The following ATRNL1 variants were observed in gnomAD, a reference collection of about 807,000 sequenced individuals.
ATRNL1 encodes the protein attractin like 1, also known as attractin-like protein 1.
ATRNL1 carries 95 observed loss-of-function variants against 182.7 expected under a neutral mutation model. The observed-to-expected ratio is 0.52, with a 90% CI of 0.44 to 0.62. ATRNL1 has a LOEUF of 0.62. Ranked by LOEUF, ATRNL1 falls within the 20% of genes least tolerant of loss-of-function variation. ATRNL1 has a pLI of 0.00. For missense variants in ATRNL1, 1,471 were observed against 1,679.5 expected, an observed-to-expected ratio of 0.88 and a Z score of 2.17; for synonymous variants, 576 against 568.3, an observed-to-expected ratio of 1.01 and a Z score of -0.19.
chr10:115,644,439 G>A (rs183182477), intron 26 of ATRNL1, among the ~76,000 whole-genome samples: 1 of 152,252 alleles, frequency 6.6e-6, no homozygotes, highest in East Asian at 1.9e-4. Context: ...CATTTTTACA[G>A]AAGAGGAGAA....
intron 26 of ATRNL1, among the ~76,000 whole-genome samples, chr10:115,621,254 A>AATATATATATATATATATATAT (rs781830067): frequency 8.4e-5 from 6 of 71,296 alleles, no homozygotes; most frequent in African/African-American, 2.8e-4. Context: ...TTGAGCTCTG[A>AATATATATATATATATATATAT]ATATATATAT....
At chr10:115,548,597 T>A (rs1756337869) in intron 25 of ATRNL1, among the ~76,000 whole-genome samples, 1 of 152,202 alleles carries the variant, frequency 6.6e-6, no homozygotes, top group Non-Finnish European at 1.5e-5. Flanking sequence ...TTGAGATTGA[T>A]TAATGAGATT....
At chr10:115,149,251 C>T (rs1554880056) in intron 5 of ATRNL1, among the ~76,000 whole-genome samples, 1 of 152,126 alleles carries the variant, frequency 6.6e-6, no homozygotes, top group African/African-American at 2.4e-5. Context: ...GTTGAATATA[C>T]CTGGCTTCCA....
intron 14 of ATRNL1, among the ~76,000 whole-genome samples, chr10:115,285,375 T>C (rs1354363301): frequency 1.3e-5 from 2 of 151,908 alleles, no homozygotes; most frequent in South Asian, 2.1e-4. Flanking sequence ...TTTATAAGAG[T>C]TGCAGCAATA....
At chr10:115,624,915 A>G (rs74161611) in intron 26 of ATRNL1, among the ~76,000 whole-genome samples, 3,501 of 152,276 alleles carry the variant, frequency 0.023, 124 homozygotes, top group African/African-American at 0.079. Flanking sequence ...TGTAACCAGA[A>G]CTACTTTTTA....
chr10:115,253,870 G>A (rs1850995488), intron 10 of ATRNL1, among the ~76,000 whole-genome samples: 1 of 152,118 alleles, frequency 6.6e-6, no homozygotes, highest in African/African-American at 2.4e-5. Context: ...CCACCTATGA[G>A]TGAGAACATA....
intron 27 of ATRNL1, among the ~76,000 whole-genome samples, chr10:115,790,372 A>T (rs564811961): frequency 6.6e-6 from 1 of 152,262 alleles, no homozygotes; most frequent in South Asian, 2.1e-4. Flanking sequence ...GGAGGTTCTG[A>T]CCCTGAATAA....
intron 9 of ATRNL1, among the ~76,000 whole-genome samples, chr10:115,230,488 C>T (rs1400391744): frequency 1.3e-5 from 2 of 151,948 alleles, no homozygotes; most frequent in Admixed American, 6.6e-5. Context: ...CTAGTGTAGT[C>T]GAATGTCTTG....
chr10:115,592,945 G>GTCTA (rs1264774313), intron 26 of ATRNL1, among the ~76,000 whole-genome samples: 8 of 152,038 alleles, frequency 5.3e-5, no homozygotes, highest in South Asian at 2.1e-4. Flanking sequence ...CTGTCTATCT[G>GTCTA]TCTATCTATC....
chr10:115,335,015 A>T (rs1057373956), intron 19 of ATRNL1, among the ~76,000 whole-genome samples: 1 of 152,160 alleles, frequency 6.6e-6, no homozygotes, highest in Admixed American at 6.6e-5. Flanking sequence ...ATTTTATGTA[A>T]TATAGGCCTT....
intron 26 of ATRNL1, among the ~76,000 whole-genome samples, chr10:115,672,380 A>T (rs1371617301): frequency 2.6e-5 from 4 of 152,138 alleles, no homozygotes; most frequent in Non-Finnish European, 5.9e-5. Context: ...TCCTTTTGAA[A>T]GAACACAACT....
In ATRNL1 at chr10:115,825,764, G is replaced by A. The variant is rs79880014; in HGVS notation, c.3904-22113G>A. On this transcript the variant is annotated intron_variant, in intron 27 of 28. Transcript: ENST00000355044. ...TTGTGACCCAGCTTTCTGGCCAAAT[G>A]CTGTCTTCTCCTGGAAGATTCCTGG... Among the ~76,000 whole-genome samples, 356 of 152,226 alleles carry A rather than the reference G, an allele frequency of 2.3e-3. 1 individual carries two copies. The highest frequency in any genetic ancestry group is 8.2e-3 in the African/African-American group (342 of 41,528).
intron 1 of ATRNL1, among the ~76,000 whole-genome samples, chr10:115,103,302 G>C (rs1843858871): frequency 6.6e-6 from 1 of 152,060 alleles, no homozygotes; most frequent in African/African-American, 2.4e-5. Flanking sequence ...GCCTCCCAAA[G>C]TGCTGGGATT....
intron 8 of ATRNL1, among the ~76,000 whole-genome samples, chr10:115,213,852 C>T (rs923020644): frequency 5.3e-5 from 8 of 152,058 alleles, no homozygotes; most frequent in African/African-American, 1.9e-4. Flanking sequence ...TTGTTTATTG[C>T]ACCATTGTTT....
At chr10:115,804,172 GT>G (rs1949864962) in intron 27 of ATRNL1, among the ~76,000 whole-genome samples, 1 of 152,206 alleles carries the variant, frequency 6.6e-6, no homozygotes, top group East Asian at 1.9e-4. Flanking sequence ...TTAGATCCAG[GT>G]TTGTATACTA....
At chr10:115,943,143 G>T (rs996948756) in intron 28 of ATRNL1, among the ~76,000 whole-genome samples, 13 of 152,200 alleles carry the variant, frequency 8.5e-5, no homozygotes, top group African/African-American at 2.9e-4. Context: ...ATGTCAAGTG[G>T]TCTTTCTTCC....
intron 19 of ATRNL1, among the ~76,000 whole-genome samples, chr10:115,345,923 G>T (rs1855955444): frequency 6.6e-6 from 1 of 152,112 alleles, no homozygotes; most frequent in Non-Finnish European, 1.5e-5. Flanking sequence ...GCAAGTACCA[G>T]TACTTAATAC....
chr10:115,496,073 C>T (rs957391836), intron 24 of ATRNL1, among the ~76,000 whole-genome samples: 2 of 152,048 alleles, frequency 1.3e-5, no homozygotes, highest in Non-Finnish European at 2.9e-5. Context: ...TTGTATAATA[C>T]CCATCTTTGT....
At chr10:115,850,777 A>G (rs782544018) in intron 28 of ATRNL1, among the ~76,000 whole-genome samples, 3 of 152,172 alleles carry the variant, frequency 2.0e-5, no homozygotes, top group Non-Finnish European at 4.4e-5. Context: ...CAGAGTTCAA[A>G]TTCATTTACC....
Sources: allele counts gnomAD v4.1 joint callset (sites outside exome capture counted in the v4.1 genomes callset), GRCh38; gene constraint gnomAD v4.1.1; transcripts MANE v1.5; gene names NCBI Gene and HGNC (gene_info 2026-07-23, HGNC 2026-07-21).